C1QTNF2: variants seen among roughly 807,000 people sequenced by gnomAD.
C1QTNF2 encodes complement C1q tumor necrosis factor-related protein 2.
Under a neutral mutation model 17.4 loss-of-function variants are expected in C1QTNF2, and 15 were observed. The observed-to-expected ratio is 0.86, with a 90% CI of 0.58 to 1.33. The LOEUF (loss-of-function observed/expected upper bound fraction) is 1.33. C1QTNF2 is among the 40% of genes most tolerant of loss of function. The probability of loss-of-function intolerance (pLI) is 0.00; values close to 1 mark genes in which losing one functional copy is unlikely to be tolerated. For synonymous variants in C1QTNF2, 154 were observed against 163.3 expected, an observed-to-expected ratio of 0.94 and a Z score of 0.44; for missense variants, 381 against 392.3, an observed-to-expected ratio of 0.97 and a Z score of 0.24.
intron 1 of C1QTNF2, among the ~76,000 whole-genome samples, chr5:160,367,036 A>G (rs965267825): frequency 1.2e-4 from 18 of 151,886 alleles, no homozygotes; most frequent in South Asian, 2.1e-4. Context: ...AAAAAAAAAA[A>G]AAAGAAAAAG....
chr5:160,352,426 G>T (rs1372449228), intron 2 of C1QTNF2, among the ~76,000 whole-genome samples: 2 of 152,162 alleles, frequency 1.3e-5, no homozygotes, highest in Non-Finnish European at 2.9e-5. Flanking sequence ...TGGCCCCAGG[G>T]TGACAAGCTT....
chr5:160,357,901 G>A (rs140549588), intron 1 of C1QTNF2, among the ~76,000 whole-genome samples: 7 of 152,276 alleles, frequency 4.6e-5, no homozygotes, highest in African/African-American at 1.2e-4. Context: ...CCAGCCGGAC[G>A]AGAGAGAGGG....
At chr5:160,366,416 G>A (rs1159690771) in intron 1 of C1QTNF2, among the ~76,000 whole-genome samples, 1 of 152,156 alleles carries the variant, frequency 6.6e-6, no homozygotes, top group African/African-American at 2.4e-5. Context: ...TGAGAACAAA[G>A]AGAAAGATGA....
intron 1 of C1QTNF2, among the ~76,000 whole-genome samples, chr5:160,357,539 G>C (rs752379948): frequency 3.9e-5 from 6 of 152,212 alleles, no homozygotes; most frequent in Admixed American, 1.3e-4. Flanking sequence ...TCTACGTTAG[G>C]AGAGTCTTGG....
intron 1 of C1QTNF2, among the ~76,000 whole-genome samples, chr5:160,360,265 C>T (rs1324651059): frequency 6.6e-6 from 1 of 152,190 alleles, no homozygotes; most frequent in African/African-American, 2.4e-5. Context: ...CAGCTGGCCA[C>T]CTGGCTTCAA....
At chr5:160,366,802 G>A (rs940529095) in intron 1 of C1QTNF2, among the ~76,000 whole-genome samples, 2 of 145,862 alleles carry the variant, frequency 1.4e-5, no homozygotes, top group Non-Finnish European at 3.1e-5. Flanking sequence ...AGCAGGTGGA[G>A]TGCCTGAGCC....
At chr5:160,353,569 T>C (rs1763966261) in intron 2 of C1QTNF2, among the ~76,000 whole-genome samples, 3 of 152,100 alleles carry the variant, frequency 2.0e-5, no homozygotes, top group East Asian at 1.9e-4. Context: ...GTCAAGGGAA[T>C]TGGTCCAGGA....
chr5:160,349,283 C>T lies in C1QTNF2; in HGVS notation c.743G>A (p.Trp248Ter), dbSNP rs746846159. 1 of 1,614,066 alleles carries T rather than the reference C, an allele frequency of 6.2e-7. No individual in the cohort carries two copies. Among genetic ancestry groups the T allele is most frequent in the South Asian group, 1.1e-5 (1 of 91,076 alleles). ...ILALKQGDEV[W>*]LQIFYSEQNG... ...CTGCTCTGAGTAGAAGATCTGCAGC[C>T]AAACTTCGTCACCCTGCTTGAGAGC... Residue 248 changes from tryptophan to a stop codon, truncating the protein, a stop_gained, in exon 3 of 3, where the codon TGG becomes TAG. Transcript: ENST00000652664. LOFTEE classifies it high-confidence loss of function. This position sits in a 1 kb window ranked among gnomAD's most constrained non-coding sequence, Gnocchi z 4.3.
intron 1 of C1QTNF2, 68 bp downstream of exon 1, chr5:160,370,444 G>C: frequency 1.5e-6 from 2 of 1,365,052 alleles, no homozygotes; most frequent in Non-Finnish European, 9.4e-7. Flanking sequence ...GCAGCAGTGC[G>C]AGTCCTCCTC....
chr5:160,353,102 T>C (rs1041381667), intron 2 of C1QTNF2, among the ~76,000 whole-genome samples: 1 of 152,182 alleles, frequency 6.6e-6, no homozygotes, highest in Non-Finnish European at 1.5e-5. Context: ...GATGACATTT[T>C]GCTATCAACT....
chr5:160,352,513 AAC>A (rs753581458), intron 2 of C1QTNF2, among the ~76,000 whole-genome samples: 6 of 152,142 alleles, frequency 3.9e-5, no homozygotes, highest in Non-Finnish European at 8.8e-5. Flanking sequence ...GCAGAGACTC[AAC>A]ACACAGCAGA....
intron 2 of C1QTNF2, among the ~76,000 whole-genome samples, 146 bp downstream of exon 2, chr5:160,354,598 GTATATATATATATATATATATATA>G (rs1172776724): frequency 3.2e-5 from 1 of 30,882 alleles, no homozygotes; most frequent in African/African-American, 1.2e-4. Context: ...AAAAAAAAAA[GTATATATATATATATATATATATA>G]TATATATATA....
intron 1 of C1QTNF2, among the ~76,000 whole-genome samples, chr5:160,362,690 G>A (rs77646552): frequency 0.014 from 2,097 of 152,204 alleles, 53 homozygotes; most frequent in African/African-American, 0.048. Context: ...CTCAATAAAC[G>A]TGCGGATGAC....
intron 1 of C1QTNF2, among the ~76,000 whole-genome samples, chr5:160,356,669 G>GT (rs1276609136): frequency 6.6e-6 from 1 of 152,148 alleles, no homozygotes; most frequent in African/African-American, 2.4e-5. Context: ...CAATCAGAGC[G>GT]TTTAAGTATT....
chr5:160,363,884 G>T (rs1738027964), intron 1 of C1QTNF2, among the ~76,000 whole-genome samples: 1 of 152,218 alleles, frequency 6.6e-6, no homozygotes, highest in African/African-American at 2.4e-5. Flanking sequence ...AGAGAAGGCG[G>T]CTGAGGGTGT....
At chr5:160,368,468 A>C (rs953733646) in intron 1 of C1QTNF2, among the ~76,000 whole-genome samples, 6 of 147,222 alleles carry the variant, frequency 4.1e-5, no homozygotes, top group Admixed American at 2.1e-4. Flanking sequence ...GGAGGCGGAG[A>C]TTGCAGTGAG....
intron 1 of C1QTNF2, among the ~76,000 whole-genome samples, chr5:160,361,024 G>C (rs1764144854): frequency 6.6e-6 from 1 of 152,090 alleles, no homozygotes; most frequent in African/African-American, 2.4e-5. Context: ...TCGAACTCCT[G>C]ACCTCGTTAT....
At chr5:160,353,359 A>G (rs1034162257) in intron 2 of C1QTNF2, among the ~76,000 whole-genome samples, 2 of 152,190 alleles carry the variant, frequency 1.3e-5, no homozygotes, top group African/African-American at 4.8e-5. Context: ...TCACAACGGA[A>G]AGGTCTGTAG....
At chr5:160,355,593 T>G (rs1374873703) in intron 1 of C1QTNF2, among the ~76,000 whole-genome samples, 1 of 152,176 alleles carries the variant, frequency 6.6e-6, no homozygotes, top group African/African-American at 2.4e-5. Flanking sequence ...GCGCCAGGCA[T>G]GTGCTAAGAG....
Sources: gnomAD v4.1 joint callset for allele counts (sites outside exome capture counted in the v4.1 genomes callset) on GRCh38, gnomAD v4.1.1 for gene constraint, Gnocchi (gnomAD v3.1) non-coding constraint, MANE v1.5 for transcripts, NCBI Gene and HGNC (gene_info 2026-07-23, HGNC 2026-07-21) for gene names.